Variants in SLC22A3 observed in about 807,000 individuals in gnomAD.
SLC22A3 encodes the protein solute carrier family 22 member 3, also known as EMT organic cation transporter 3.
A neutral mutation model predicts 59.1 loss-of-function variants in SLC22A3; 51 were observed. That is an observed-to-expected ratio of 0.86 (90% CI 0.69 to 1.09). The LOEUF (loss-of-function observed/expected upper bound fraction) is 1.09. Ranked by LOEUF, SLC22A3 falls within the 50% of genes least tolerant of loss-of-function variation. SLC22A3 has a pLI of 0.00. For synonymous variants in SLC22A3, 325 were observed against 292.0 expected (o/e 1.11, Z -1.15); for missense variants, 711 against 726.3 (o/e 0.98, Z 0.24).
chr6:160,367,713 A>G, intron 1 of SLC22A3, among the ~76,000 whole-genome samples: 1 of 152,196 alleles, frequency 6.6e-6, no homozygotes, highest in East Asian at 1.9e-4. Context: ...GTGAGGTAGT[A>G]CAGAGTGGTC....
At chr6:160,435,062 A>C (rs749515102) in intron 5 of SLC22A3, among the ~76,000 whole-genome samples, 10 of 152,200 alleles carry the variant, frequency 6.6e-5, no homozygotes, top group Non-Finnish European at 1.2e-4. Context: ...GAACTTATAC[A>C]CATGACCCCT....
rs146920684 is a variant in SLC22A3 at position 160,367,409 on chromosome 6, T to C, written c.429+18561T>C. 7.9e-3 allele frequency among the ~76,000 whole-genome samples: 1,200 copies of C among 152,256 alleles called. 15 individuals carry two copies. The highest frequency in any genetic ancestry group is 0.027 in the African/African-American group (1,138 of 41,540). ...ATGGGAACTAGAATTCAAGATGAGA[T>C]TTGGGTGGACACAGCAAAACCATAT... On this transcript the variant is annotated intron_variant, in intron 1 of 10. Coordinates refer to ENST00000275300, the MANE Select transcript of SLC22A3 (RefSeq NM_021977.4).
chr6:160,394,367 A>T (rs992369948), intron 1 of SLC22A3, among the ~76,000 whole-genome samples: 10 of 152,220 alleles, frequency 6.6e-5, no homozygotes, highest in African/African-American at 2.2e-4. Context: ...GTGCCCGCTA[A>T]TCTCTCTTTA....
At chr6:160,405,618 T>A (rs1300746113) in intron 2 of SLC22A3, among the ~76,000 whole-genome samples, 1 of 152,180 alleles carries the variant, frequency 6.6e-6, no homozygotes, top group African/African-American at 2.4e-5. Flanking sequence ...CCCAAAAACC[T>A]ACACATACAT....
intron 5 of SLC22A3, among the ~76,000 whole-genome samples, chr6:160,417,173 G>A (rs567319815): frequency 3.2e-4 from 48 of 152,260 alleles, no homozygotes; most frequent in African/African-American, 7.7e-4. Flanking sequence ...ACTTGATTGC[G>A]CCCAAGGAGC....
chr6:160,443,261 GGA>G (rs1788616052), intron 8 of SLC22A3, among the ~76,000 whole-genome samples: 1 of 152,204 alleles, frequency 6.6e-6, no homozygotes, highest in Non-Finnish European at 1.5e-5. Context: ...TGGTTATGAA[GGA>G]TGAAATGAAA....
intron 1 of SLC22A3, among the ~76,000 whole-genome samples, chr6:160,395,516 C>G (rs572771799): frequency 6.6e-6 from 1 of 152,286 alleles, no homozygotes; most frequent in African/African-American, 2.4e-5. Flanking sequence ...TGTTTGCTTT[C>G]TGAAATTCTA....
Position 160,447,715 on chromosome 6 carries a change from A to T in SLC22A3, c.1511-4A>T, listed in dbSNP as rs769783404. 1 of 1,613,544 alleles carries T rather than the reference A, an allele frequency of 6.2e-7. No individual in the cohort carries two copies. The highest frequency in any genetic ancestry group is 2.2e-5 in the East Asian group (1 of 44,858). On this transcript the variant is annotated splice_region_variant and splice_polypyrimidine_tract_variant and intron_variant, in intron 9 of 10. Coordinates refer to ENST00000275300, the MANE Select transcript of SLC22A3 (RefSeq NM_021977.4). ...AGCGGTAACACCTTTCCCCTATTCC[A>T]TAGGTATCCTGGCATCCATCTGTGG...
At chr6:160,355,001 A>T (rs1458430487) in intron 1 of SLC22A3, among the ~76,000 whole-genome samples, 1 of 152,180 alleles carries the variant, frequency 6.6e-6, no homozygotes, top group African/African-American at 2.4e-5. Context: ...AGGATGGTGG[A>T]ACTCTTACAC....
chr6:160,413,193 C>A (rs1287857054), intron 5 of SLC22A3, among the ~76,000 whole-genome samples: 1 of 152,164 alleles, frequency 6.6e-6, no homozygotes, highest in Non-Finnish European at 1.5e-5. Flanking sequence ...CCCGAAGCAG[C>A]TGCTGTTACA....
intron 10 of SLC22A3, among the ~76,000 whole-genome samples, chr6:160,450,247 G>A (rs889450397): frequency 2.0e-5 from 3 of 152,130 alleles, no homozygotes; most frequent in South Asian, 2.1e-4. Context: ...CCCTAGGAAC[G>A]CATTCCTTTC....
At chr6:160,414,874 G>T (rs1287091916) in intron 5 of SLC22A3, among the ~76,000 whole-genome samples, 2 of 152,150 alleles carry the variant, frequency 1.3e-5, no homozygotes, top group African/African-American at 2.4e-5. Flanking sequence ...CATGTTAACA[G>T]TTATTTTGGT....
intron 1 of SLC22A3, among the ~76,000 whole-genome samples, chr6:160,391,211 C>A (rs1211927882): frequency 6.8e-6 from 1 of 147,884 alleles, no homozygotes; most frequent in Non-Finnish European, 1.5e-5. Context: ...GAAGCCAGTC[C>A]TATAAAATAC....
At chr6:160,363,232 G>C (rs982081062) in intron 1 of SLC22A3, among the ~76,000 whole-genome samples, 1 of 152,230 alleles carries the variant, frequency 6.6e-6, no homozygotes, top group Admixed American at 6.5e-5. Flanking sequence ...TCCAGGTGAG[G>C]GAAGTGACCT....
intron 9 of SLC22A3, among the ~76,000 whole-genome samples, chr6:160,445,503 C>G (rs1041908460): frequency 1.3e-5 from 2 of 152,176 alleles, no homozygotes; most frequent in African/African-American, 2.4e-5. Flanking sequence ...TGTAGAAACA[C>G]AGATATGCAA....
chr6:160,436,899 T>C (rs1268414161), intron 6 of SLC22A3, 22 bp downstream of exon 6: 2 of 1,612,026 alleles, frequency 1.2e-6, no homozygotes, highest in Non-Finnish European at 1.7e-6. Flanking sequence ...TTGTGATGGA[T>C]TTAAAAGCTT....
chr6:160,385,070 G>A (rs1213365203), intron 1 of SLC22A3, among the ~76,000 whole-genome samples: 2 of 152,192 alleles, frequency 1.3e-5, no homozygotes, highest in Non-Finnish European at 2.9e-5. Flanking sequence ...CATCTCCAAT[G>A]ATTCCTTTTT....
At chr6:160,410,955 A>G in intron 5 of SLC22A3, 109 bp downstream of exon 5, 1 of 584,900 alleles carries the variant, frequency 1.7e-6, no homozygotes, top group Non-Finnish European at 3.1e-6. Context: ...AAATATGCAT[A>G]TTATATATAT....
chr6:160,353,193 C>A (rs1459843730), intron 1 of SLC22A3, among the ~76,000 whole-genome samples: 1 of 152,174 alleles, frequency 6.6e-6, no homozygotes, highest in Non-Finnish European at 1.5e-5. Context: ...GTCTAGGCAG[C>A]AGAATGGCCA....
Sources: gnomAD v4.1 joint callset for allele counts (sites outside exome capture counted in the v4.1 genomes callset) on GRCh38, gnomAD v4.1.1 for gene constraint, MANE v1.5 for transcripts, NCBI Gene and HGNC (gene_info 2026-07-23, HGNC 2026-07-21) for gene names.